The following VPS51 variants were observed in gnomAD, a reference collection of about 807,000 sequenced individuals.
VPS51 encodes vacuolar protein sorting-associated protein 51 homolog.
VPS51 carries 55 observed loss-of-function variants against 65.1 expected under a neutral mutation model. The observed-to-expected ratio is 0.84, with a 90% CI of 0.68 to 1.06. VPS51 has a LOEUF of 1.06. Among genes scored for constraint, VPS51 ranks in the 50% least tolerant of loss-of-function variants. The pLI is 0.00. For missense variants in VPS51, 943 were observed against 1,101.6 expected (o/e 0.86, Z 2.04); for synonymous variants, 473 against 489.5 (o/e 0.97, Z 0.44).
At chr11:65,102,592 CAA>C (rs1317787923) in intron 2 of VPS51, among the ~76,000 whole-genome samples, 1 of 152,148 alleles carries the variant, frequency 6.6e-6, no homozygotes, top group African/African-American at 2.4e-5. Context: ...CACCCACTAC[CAA>C]AAGAGTCTGC....
Position 65,107,402 on chromosome 11 carries a change from C to G in VPS51, c.359-179C>G, listed in dbSNP as rs914104204. Reference sequence around the variant, plus strand: ...GTAACGCCTGCTTTGGGAACATAAACCCCCTCCCCCGCCCCCATGTGCGCT... The same window carrying G: ...GTAACGCCTGCTTTGGGAACATAAAGCCCCTCCCCCGCCCCCATGTGCGCT... On this transcript the variant is annotated intron_variant, in intron 2 of 9. Coordinates refer to ENST00000279281, the MANE Select transcript of VPS51 (RefSeq NM_013265.4). The surrounding 1 kb of genome is among the most constrained non-coding windows in gnomAD (Gnocchi z 4.0). The G allele has an allele frequency of 8.4e-6, 6 of 712,710 alleles. No homozygotes were observed. In the South Asian group the frequency reaches 9.1e-5, roughly 11 times the overall value. 44.1% of individuals were successfully genotyped at this position (712,710 alleles called of 1,614,324 possible). A position where few individuals can be genotyped will look rare whatever the true frequency, so the allele number is the denominator to read the frequency against.
Position 65,108,770 on chromosome 11 carries a change from C to A in VPS51, c.1299C>A (p.Arg433=). ...TCCGCCAGGCGCTGGCAGCACCTCG[C>A]GTGGCTGGGAAGGAGGGCCCTGGCC... ...TDVRQALAAP[R]VAGKEGPGLA... The change falls in exon 5 of 10, where the codon CGC becomes CGA. Residue 433 remains arginine (R), a synonymous_variant. Transcript: ENST00000279281. The A allele has an allele frequency of 6.2e-7, 1 of 1,612,500 alleles. No individual in the cohort carries two copies. The highest frequency in any genetic ancestry group is 1.1e-5 in the South Asian group (1 of 91,084).
rs1338770736 is a variant in VPS51 at position 65,110,504 on chromosome 11, G to T, written c.1901G>T (p.Gly634Val). ...CAGGTGGGGCTCCTGTACGAAGAGG[G>T]TGTTCGCAAGGCCCAGAGCAGCGAC... ...DVQVGLLYEEGVRKAQSSDSS... is the reference protein window; with the variant it reads ...DVQVGLLYEEVVRKAQSSDSS... The change falls in exon 8 of 10, where the codon GGT becomes GTT. Residue 634 changes from glycine (G) to valine (V), a missense_variant. By Grantham distance (109) the Gly-to-Val change is moderately radical. Transcript: ENST00000279281. 2 of 1,613,834 alleles carry T rather than the reference G, an allele frequency of 1.2e-6. No individual in the cohort carries two copies. Among genetic ancestry groups the T allele is most frequent in the South Asian group, 1.1e-5 (1 of 91,084 alleles).
chr11:65,108,591 C>T lies in VPS51; in HGVS notation c.1120C>T (p.Arg374Cys), dbSNP rs1489486624. 3 of 1,539,758 alleles carry T rather than the reference C, an allele frequency of 1.9e-6. No homozygotes were observed. Among genetic ancestry groups the T allele is most frequent in the East Asian group, 4.8e-5 (2 of 41,578 alleles). ...CTCACTGCTGGTGCGGGCGCTGGAC[C>T]GCTTCCACCGGCGCTTGCGGGCTCC... ...DNSLLVRALD[R>C]FHRRLRAPGA... Residue 374 changes from arginine to cysteine, a missense_variant, in exon 5 of 10, where the codon CGC becomes TGC. Physicochemically the swap from Arg to Cys is radical, Grantham distance 180. This residue lies in a region of VPS51 where 855 missense variants were observed against 953.7 expected (regional missense o/e 0.90). Transcript: ENST00000279281.
At chr11:65,110,826 G>C in intron 9 of VPS51, 45 bp downstream of exon 9, 1 of 1,612,630 alleles carries the variant, frequency 6.2e-7, no homozygotes, top group Non-Finnish European at 8.5e-7. Context: ...TCCCGGGGAG[G>C]GTTGGCTGGA....
Position 65,110,683 on chromosome 11 carries a change from C to T in VPS51, c.2001-11C>T, listed in dbSNP as rs766896913. 6 of 1,614,148 alleles carry T rather than the reference C, an allele frequency of 3.7e-6. No individual in the cohort carries two copies. Among genetic ancestry groups the T allele is most frequent in the Non-Finnish European group, 4.2e-6 (5 of 1,180,010 alleles). On this transcript the variant is annotated splice_polypyrimidine_tract_variant and intron_variant, in intron 8 of 9. Coordinates refer to ENST00000279281, the MANE Select transcript of VPS51 (RefSeq NM_013265.4). ...AGGGCGGGCTCTGATTCCTTGTCTT[C>T]CCCAATCCAGTGCCCCGATGGACAC...
At chr11:65,111,122 C>G in intron 9 of VPS51, 1 of 819,088 alleles carries the variant, frequency 1.2e-6, no homozygotes, top group South Asian at 1.4e-5. Context: ...CTCAGGGATG[C>G]CTCTGATTGC....
chr11:65,110,806 C>G, intron 9 of VPS51, 25 bp downstream of exon 9: 1 of 1,613,916 alleles, frequency 6.2e-7, no homozygotes, highest in Non-Finnish European at 8.5e-7. Context: ...GTGACTCAGA[C>G]TTCCAGGGAT....
Position 65,111,664 on chromosome 11 carries a change from C to A in VPS51, c.*77C>A. 2 of 1,472,740 alleles carry A rather than the reference C, an allele frequency of 1.4e-6. No homozygotes were observed. Among genetic ancestry groups the A allele is most frequent in the African/African-American group, 1.5e-5 (1 of 67,744 alleles). 91.2% of individuals were successfully genotyped at this position (1,472,740 alleles called of 1,614,324 possible). ...ATCTGGTCTCGGTGGTCCTTCCCCG[C>A]AGGCAGGTGTCAGGACCGGCCTAAT... On this transcript the variant is annotated 3_prime_UTR_variant, in exon 10 of 10. Transcript: ENST00000279281.
At position 65,108,432 on chromosome 11, in the gene VPS51, G is replaced by A. The variant is rs771540063; in HGVS notation, c.961G>A (p.Ala321Thr). ...GGGCGGCCTCTGCCAGGTGGCGGCGGCCTACCAGGAGCTGTTTGCGGCCCA... is the reference window on the plus strand; with the variant it reads ...GGGCGGCCTCTGCCAGGTGGCGGCGACCTACCAGGAGCTGTTTGCGGCCCA... ...FVGGLCQVAA[A>T]YQELFAAQGP... is the part of the protein sequence containing the mutation. The change falls in exon 5 of 10, where the codon GCC becomes ACC. Residue 321 changes from alanine to threonine, a missense_variant. Ala to Thr is a moderately conservative substitution (Grantham distance 58). Transcript: ENST00000279281. The A allele has an allele frequency of 5.3e-5, 86 of 1,611,684 alleles. No individual in the cohort carries two copies. The highest frequency in any genetic ancestry group is 1.2e-4 in the Admixed American group (7 of 59,974).
Position 65,108,569 on chromosome 11 carries a change from A to G in VPS51, c.1098A>G (p.Ser366=). Residue 366 remains serine, a synonymous_variant, in exon 5 of 10, where the codon TCA becomes TCG. Coordinates refer to ENST00000279281, the MANE Select transcript of VPS51 (RefSeq NM_013265.4). ...LAQEQGGGDN[S]LLVRALDRFH... ...AGGAGCAGGGTGGTGGTGACAACTC[A>G]CTGCTGGTGCGGGCGCTGGACCGCT... is the stretch of plus-strand genomic sequence containing the variant. 6.4e-7 allele frequency: 1 copy of G among 1,558,312 alleles called. No homozygotes were observed. Among genetic ancestry groups the G allele is most frequent in the Middle Eastern group, 2.3e-4 (1 of 4,418 alleles).
At chr11:65,105,617 A>G (rs994284756) in intron 2 of VPS51, among the ~76,000 whole-genome samples, 1 of 152,070 alleles carries the variant, frequency 6.6e-6, no homozygotes, top group Non-Finnish European at 1.5e-5. Flanking sequence ...TTCCAACACT[A>G]TTTACCCAGA....
chr11:65,111,784 G>A lies in VPS51; in HGVS notation c.*197G>A. The A allele has an allele frequency of 9.6e-7, 1 of 1,046,020 alleles. No homozygotes were observed. Among genetic ancestry groups the A allele is most frequent in the Non-Finnish European group, 1.3e-6 (1 of 744,314 alleles). 64.8% of individuals were successfully genotyped at this position (1,046,020 alleles called of 1,614,324 possible). On this transcript the variant is annotated 3_prime_UTR_variant, in exon 10 of 10. Coordinates refer to ENST00000279281, the MANE Select transcript of VPS51 (RefSeq NM_013265.4). ...CTTCTGAGGCGCCCGCGTCGGGTCC[G>A]CCCCCGAGCGCCGATTGGCTGGTGT...
In VPS51 at chr11:65,108,920, C is replaced by T; in HGVS notation, c.1443+6C>T. 1.2e-6 allele frequency: 2 copies of T among 1,612,740 alleles called. No individual in the cohort carries two copies. The highest frequency in any genetic ancestry group is 8.5e-7 in the Non-Finnish European group (1 of 1,179,782). The stretch of plus-strand genomic sequence containing the variant: ...CCAACAAGCCCTACTTCCGGGTACG[C>T]CTCCTCTTGGGTGTTCCTTGTTCAA... On this transcript the variant is annotated splice_donor_region_variant and intron_variant, in intron 5 of 9. Coordinates refer to ENST00000279281, the MANE Select transcript of VPS51 (RefSeq NM_013265.4).
At position 65,107,611 on chromosome 11, in the gene VPS51, G is replaced by A; in HGVS notation, c.389G>A (p.Arg130Gln). Reference protein sequence around the residue: ...DTIRKMKNDFRKMEDEMDRLA... With the variant: ...DTIRKMKNDFQKMEDEMDRLA... ...ATCCGGAAGATGAAGAACGATTTCC[G>A]GAAGATGGAGGATGAGATGGACCGG... The change falls in exon 3 of 10, where the codon CGG becomes CAG. Residue 130 changes from arginine (R) to glutamine (Q), a missense_variant. Coordinates refer to ENST00000279281, the MANE Select transcript of VPS51 (RefSeq NM_013265.4). This position sits in a 1 kb window ranked among gnomAD's most constrained non-coding sequence, Gnocchi z 4.0. 6.3e-7 allele frequency: 1 copy of A among 1,599,156 alleles called. No homozygotes were observed. The highest frequency in any genetic ancestry group is 8.6e-7 in the Non-Finnish European group (1 of 1,167,952).
chr11:65,097,226 A>G, intron 2 of VPS51, 99 bp downstream of exon 2: 1 of 1,530,714 alleles, frequency 6.5e-7, no homozygotes, highest in East Asian at 2.3e-5. Context: ...GGAGACTCAG[A>G]TTCCAGTCTT....
intron 2 of VPS51, among the ~76,000 whole-genome samples, chr11:65,103,918 GCTTT>G (rs1205093385): frequency 6.7e-6 from 1 of 150,090 alleles, no homozygotes; most frequent in Non-Finnish European, 1.5e-5. Context: ...TTTTTTTAGG[GCTTT>G]CTATTTATTC....
chr11:65,097,141 G>A lies in VPS51; in HGVS notation c.358+14G>A, dbSNP rs1364000359. 6.2e-7 allele frequency: 1 copy of A among 1,613,442 alleles called. No individual in the cohort carries two copies. The highest frequency in any genetic ancestry group is 2.2e-5 in the East Asian group (1 of 44,882). ...TCTCAGCCACAGGTGATCCCCACGGGGACACACCCTCCAAAGTCTCACAGC... is the reference window on the plus strand; with the variant it reads ...TCTCAGCCACAGGTGATCCCCACGGAGACACACCCTCCAAAGTCTCACAGC... On this transcript the variant is annotated intron_variant, in intron 2 of 9. Coordinates refer to ENST00000279281, the MANE Select transcript of VPS51 (RefSeq NM_013265.4).
chr11:65,109,038 G>A (rs914286624), intron 5 of VPS51, 124 bp downstream of exon 5: 7 of 1,237,972 alleles, frequency 5.7e-6, no homozygotes, highest in African/African-American at 4.6e-5. Context: ...TCTTATGCAC[G>A]GTCTGGGGGG....
Sources: gnomAD v4.1 joint callset for allele counts (sites outside exome capture counted in the v4.1 genomes callset) on GRCh38, gnomAD v4.1.1 for gene constraint, gnomAD v4.1.1 regional missense constraint, Gnocchi (gnomAD v3.1) non-coding constraint, MANE v1.5 for transcripts, NCBI Gene and HGNC (gene_info 2026-07-23, HGNC 2026-07-21) for gene names.